Variants in TTLL8 observed in about 807,000 individuals in gnomAD.
TTLL8 encodes protein monoglycylase TTLL8.
In TTLL8, 65 loss-of-function variants were observed where a neutral mutation model predicts 77.8. That is an observed-to-expected ratio of 0.84 (90% CI 0.68 to 1.03). The LOEUF (loss-of-function observed/expected upper bound fraction) is 1.03, where lower values mean the gene tolerates loss of function less well. Among genes scored for constraint, TTLL8 ranks in the 50% least tolerant of loss-of-function variants. TTLL8 has a pLI of 0.00. For synonymous variants in TTLL8, 402 were observed against 422.8 expected, an observed-to-expected ratio of 0.95 and a Z score of 0.60; for missense variants, 910 against 1,004.5, an observed-to-expected ratio of 0.91 and a Z score of 1.27.
Position 50,044,145 on chromosome 22 carries a change from C to T in TTLL8, c.643+1110G>A, listed in dbSNP as rs929524830. ...TTCGAGACCAGCCTGGCCAACATGG[C>T]AAAACCCCATCTCTACTAAAAATAC... On this transcript the variant is annotated intron_variant, in intron 6 of 13. Transcript: ENST00000266182. The surrounding 1 kb of genome is among the most constrained non-coding windows in gnomAD (Gnocchi z 4.2). Among the ~76,000 whole-genome samples, 2 of 152,002 alleles carry T rather than the reference C, an allele frequency of 1.3e-5. No individual in the cohort carries two copies. The highest frequency in any genetic ancestry group is 2.9e-5 in the Non-Finnish European group (2 of 67,982).
intron 1 of TTLL8, among the ~76,000 whole-genome samples, chr22:50,054,061 C>T (rs1237284927): frequency 6.6e-6 from 1 of 152,194 alleles, no homozygotes; most frequent in Non-Finnish European, 1.5e-5. Context: ...GCCATAACCT[C>T]ACCATGCCGT....
chr22:50,035,212 C>T (rs1439956933), intron 8 of TTLL8, among the ~76,000 whole-genome samples: 3 of 152,254 alleles, frequency 2.0e-5, no homozygotes, highest in Non-Finnish European at 4.4e-5. Flanking sequence ...TGGTGGGGAC[C>T]CCATGACGTC....
intron 12 of TTLL8, among the ~76,000 whole-genome samples, chr22:50,021,198 T>TGAC (rs1367493626): frequency 6.9e-6 from 1 of 145,496 alleles, no homozygotes. Context: ...CTCCTCCATC[T>TGAC]GATGTGTACT....
chr22:50,047,823 T>C (rs2061421894), intron 3 of TTLL8, among the ~76,000 whole-genome samples: 1 of 152,148 alleles, frequency 6.6e-6, no homozygotes, highest in African/African-American at 2.4e-5. Context: ...CCAGGCTGGG[T>C]GCAGTGGCTC....
chr22:50,034,308 T>C lies in TTLL8; in HGVS notation c.1039+37A>G. 1 of 1,341,904 alleles carries C rather than the reference T, an allele frequency of 7.5e-7. No homozygotes were observed. Among genetic ancestry groups the C allele is most frequent in the South Asian group, 1.2e-5 (1 of 86,276 alleles). 83.1% of individuals were successfully genotyped at this position (1,341,904 alleles called of 1,614,324 possible). On this transcript the variant is annotated intron_variant, in intron 9 of 13. Coordinates refer to ENST00000266182, the Ensembl canonical transcript of TTLL8. The surrounding 1 kb of genome is among the most constrained non-coding windows in gnomAD (Gnocchi z 4.1). The stretch of plus-strand genomic sequence containing the variant: ...CGGCTCCTGGCATCAAGTGTGGCCG[T>C]TGGTGGCTATGAACGCGGTGCAGGG...
chr22:50,022,029 T>C (rs1023338648), intron 12 of TTLL8, among the ~76,000 whole-genome samples: 11 of 143,924 alleles, frequency 7.6e-5, no homozygotes, highest in African/African-American at 2.6e-4. Context: ...CGCTCCTTCA[T>C]CTGACATGCA....
At chr22:50,058,032 G>A (rs1382871494), upstream of TTLL8, among the ~76,000 whole-genome samples, 1 of 151,744 alleles carries the variant, frequency 6.6e-6, no homozygotes. The surrounding 1 kb of genome is among the most constrained non-coding windows in gnomAD (Gnocchi z 4.2). Context: ...GAGGGGGTAG[G>A]CCTGGGTTTC....
At chr22:50,049,396 A>G (rs951256339) in intron 2 of TTLL8, 74 bp from the exon 5 acceptor site, 2 of 1,349,880 alleles carry the variant, frequency 1.5e-6, no homozygotes, top group South Asian at 1.1e-5. Context: ...CGTTACCACA[A>G]CCGCAGGCAG....
In TTLL8 at chr22:50,050,837, G is replaced by A. The variant is rs9628318; in HGVS notation, c.52-590C>T. Among the ~76,000 whole-genome samples, 945 of 152,238 alleles carry A rather than the reference G, an allele frequency of 6.2e-3. 11 individuals carry two copies. Among genetic ancestry groups the A allele is most frequent in the African/African-American group, 0.022 (895 of 41,540 alleles). ...TTCCCATGCTTACTTGATGTATCAC[G>A]ACCCTTTCACGTGGACCCCTTAAAG... On this transcript the variant is annotated intron_variant, in intron 1 of 13. Transcript: ENST00000266182.
intron 12 of TTLL8, among the ~76,000 whole-genome samples, chr22:50,021,647 G>T (rs35777056): frequency 0.06 from 7,815 of 131,068 alleles, 587 homozygotes; most frequent in Middle Eastern, 0.14. Context: ...TCCATCTGAT[G>T]ATGTGCACTC....
rs2061398781 is a variant in TTLL8, at chr22:50,044,924, G to GC, written c.643+330dup. Among the ~76,000 whole-genome samples, 1 of 152,174 alleles carries GC rather than the reference G, an allele frequency of 6.6e-6. No homozygotes were observed. The highest frequency in any genetic ancestry group is 2.4e-5 in the African/African-American group (1 of 41,426). On this transcript the variant is annotated intron_variant, in intron 6 of 13. Coordinates refer to ENST00000266182, the Ensembl canonical transcript of TTLL8. The surrounding 1 kb of genome is among the most constrained non-coding windows in gnomAD (Gnocchi z 4.2). ...CCCCTTTGGGGAGACTCAGGCTGCG[G>GC]CATCGTGGTGGCCGTGGGGTGGGGC...
chr22:50,040,996 C>G (rs990276330), intron 8 of TTLL8, among the ~76,000 whole-genome samples: 3 of 152,178 alleles, frequency 2.0e-5, no homozygotes, highest in African/African-American at 7.2e-5. Flanking sequence ...TGAGAGTCAG[C>G]GAGCCAGGAG....
intron 8 of TTLL8, among the ~76,000 whole-genome samples, chr22:50,039,888 A>G (rs533643715): frequency 2.2e-4 from 34 of 151,398 alleles, no homozygotes; most frequent in South Asian, 1.9e-3. Flanking sequence ...GTCGGTGTGG[A>G]CAGACCTCAC....
At chr22:50,026,939 TA>T (rs1176610600) in intron 12 of TTLL8, among the ~76,000 whole-genome samples, 7 of 151,140 alleles carry the variant, frequency 4.6e-5, no homozygotes, top group Admixed American at 2.0e-4. Flanking sequence ...AAACTTTATT[TA>T]AAAAAAAAGT....
chr22:50,051,498 C>T (rs969093212), intron 1 of TTLL8, among the ~76,000 whole-genome samples: 16 of 152,182 alleles, frequency 1.1e-4, no homozygotes, highest in African/African-American at 1.7e-4. Flanking sequence ...TGCAAACATG[C>T]GTGAGCAAGT....
At chr22:50,039,111 T>A (rs1171425734) in intron 8 of TTLL8, among the ~76,000 whole-genome samples, 1 of 152,226 alleles carries the variant, frequency 6.6e-6, no homozygotes, top group Non-Finnish European at 1.5e-5. Context: ...TACTGGCCTA[T>A]GATTTTTTGT....
At chr22:50,019,157 C>T (rs1191111436) in intron 12 of TTLL8, among the ~76,000 whole-genome samples, 4 of 152,076 alleles carry the variant, frequency 2.6e-5, no homozygotes, top group South Asian at 2.1e-4. Context: ...ATAAGTTTAA[C>T]GTGCAATGAG....
chr22:50,046,070 T>C (rs748667970), intron 4 of TTLL8, 100 bp from the exon 7 acceptor site: 131 of 1,117,712 alleles, frequency 1.2e-4, no homozygotes, highest in Non-Finnish European at 1.4e-4. Context: ...CTTGCCTGGC[T>C]ATGGGGCACC....
chr22:50,022,014 A>T lies in TTLL8; in HGVS notation c.2204-5452T>A, dbSNP rs574065213. Among the ~76,000 whole-genome samples the T allele has an allele frequency of 3.6e-3, 531 of 146,908 alleles. 8 individuals are homozygous for T. The highest frequency in any genetic ancestry group is 0.013 in the African/African-American group (515 of 39,158). ...CTGACGTGCACTCCTCCATCTGATGATGTGCGCTCCTTCATCTGACATGCA... is the reference window on the plus strand; with the variant it reads ...CTGACGTGCACTCCTCCATCTGATGTTGTGCGCTCCTTCATCTGACATGCA... On this transcript the variant is annotated intron_variant, in intron 12 of 13. Transcript: ENST00000266182.
Sources: allele counts gnomAD v4.1 joint callset (sites outside exome capture counted in the v4.1 genomes callset), GRCh38; gene constraint gnomAD v4.1.1; non-coding constraint Gnocchi (gnomAD v3.1); transcripts MANE v1.5; gene names NCBI Gene and HGNC (gene_info 2026-07-23, HGNC 2026-07-21).